The following KCNK12 variants were observed in gnomAD, a reference collection of about 807,000 sequenced individuals.
The protein encoded by KCNK12 is potassium channel subfamily K member 12.
A neutral mutation model predicts 25.3 loss-of-function variants in KCNK12; 6 were observed. The observed-to-expected ratio is 0.24, with a 90% CI of 0.13 to 0.47. The LOEUF is 0.47. KCNK12 is among the 20% of genes least tolerant of loss of function. KCNK12 has a pLI of 0.99. For synonymous variants in KCNK12, 331 were observed against 311.1 expected (o/e 1.06, Z -0.67); for missense variants, 444 against 661.7 (o/e 0.67, Z 3.61).
At chr2:47,522,195 T>A (rs1212693369) in intron 1 of KCNK12, among the ~76,000 whole-genome samples, 1 of 152,138 alleles carries the variant, frequency 6.6e-6, no homozygotes, top group Non-Finnish European at 1.5e-5. Context: ...TCCTCCAAAT[T>A]TTTTTTTAAA....
intron 1 of KCNK12, among the ~76,000 whole-genome samples, chr2:47,546,855 C>T (rs577877040): frequency 4.1e-5 from 6 of 146,044 alleles, no homozygotes; most frequent in Non-Finnish European, 7.6e-5. Flanking sequence ...AGATGGACAG[C>T]TTGAGAGAGC....
intron 1 of KCNK12, chr2:47,564,993 C>A (rs540984174): frequency 6.6e-6 from 1 of 151,368 alleles, no homozygotes; most frequent in Non-Finnish European, 1.5e-5. Flanking sequence ...TGTAGCGAGG[C>A]CCTGTCTCTT....
rs1390511704 is a variant in KCNK12 at position 47,511,831 on chromosome 2, C to G, written c.*9076G>C. ...GTGACAGAAATGTTCTATATCTGTG[C>G]TATCCAATATGGTAGCCACAAGTTA... On this transcript the variant is annotated 3_prime_UTR_variant, in exon 2 of 2. Coordinates refer to ENST00000327876, the MANE Select transcript of KCNK12 (RefSeq NM_022055.2). The surrounding 1 kb of genome is among the most constrained non-coding windows in gnomAD (Gnocchi z 4.3). 6.6e-6 allele frequency among the ~76,000 whole-genome samples: 1 copy of G among 152,220 alleles called. No homozygotes were observed. Among genetic ancestry groups the G allele is most frequent in the East Asian group, 1.9e-4 (1 of 5,204 alleles).
chr2:47,534,748 G>C (rs1669023777), intron 1 of KCNK12: 1 of 176,916 alleles, frequency 5.7e-6, no homozygotes, highest in Non-Finnish European at 1.2e-5. Context: ...AACAGCTCCA[G>C]GGTCATACCA....
In KCNK12 at chr2:47,509,532, G is replaced by A. The variant is rs1254779582; in HGVS notation, c.*11375C>T. Reference sequence around the variant, plus strand: ...GGCCTGCTGTGTGCAGATGGTACCTGGTGCAGGATTGTGGTGTCCAGGTGT... The same window carrying A: ...GGCCTGCTGTGTGCAGATGGTACCTAGTGCAGGATTGTGGTGTCCAGGTGT... On this transcript the variant is annotated 3_prime_UTR_variant, in exon 2 of 2. Coordinates refer to ENST00000327876, the MANE Select transcript of KCNK12 (RefSeq NM_022055.2). 6.6e-6 allele frequency among the ~76,000 whole-genome samples: 1 copy of A among 152,218 alleles called. No individual in the cohort carries two copies. Among genetic ancestry groups the A allele is most frequent in the African/African-American group, 2.4e-5 (1 of 41,444 alleles).
Position 47,515,052 on chromosome 2 carries a change from G to A in KCNK12, c.*5855C>T, listed in dbSNP as rs1417710321. On this transcript the variant is annotated 3_prime_UTR_variant, in exon 2 of 2. Transcript: ENST00000327876. ...ATAGGAATCACAGGCCTTAGAACTT[G>A]AAAGGAACCCAAGGATCATCTAGGC... is the stretch of plus-strand genomic sequence containing the variant. Among the ~76,000 whole-genome samples, 2 of 152,218 alleles carry A rather than the reference G, an allele frequency of 1.3e-5. No homozygotes were observed. The highest frequency in any genetic ancestry group is 2.9e-5 in the Non-Finnish European group (2 of 68,048).
chr2:47,562,406 GC>G lies in KCNK12; in HGVS notation c.391+7534del. ...AAGCAGATGGAGGAGAAACCCCAGG[GC>G]TCAATTTTTCTAAGGGCCCAGGCAC... On this transcript the variant is annotated intron_variant, in intron 1 of 1. Coordinates refer to ENST00000327876, the MANE Select transcript of KCNK12 (RefSeq NM_022055.2). The surrounding 1 kb of genome is among the most constrained non-coding windows in gnomAD (Gnocchi z 4.8). 1 of 315,510 alleles carries G rather than the reference GC, an allele frequency of 3.2e-6. No homozygotes were observed. The highest frequency in any genetic ancestry group is 5.0e-5 in the Admixed American group (1 of 20,038). The allele number at this position is 315,510 out of a possible 1,614,324, so 19.5% of individuals were successfully genotyped here.
At chr2:47,534,517 C>CG (rs1314671163) in intron 1 of KCNK12, among the ~76,000 whole-genome samples, 32 of 99,668 alleles carry the variant, frequency 3.2e-4, no homozygotes, top group Admixed American at 6.3e-4. Flanking sequence ...CCCTTCTAAC[C>CG]CCCCCCCCCG....
At chr2:47,530,645 C>T (rs1022994102) in intron 1 of KCNK12, among the ~76,000 whole-genome samples, 1 of 152,204 alleles carries the variant, frequency 6.6e-6, no homozygotes. Context: ...TTCACTGATT[C>T]CAAGTCACAG....
chr2:47,546,908 G>A (rs1669326112), intron 1 of KCNK12, among the ~76,000 whole-genome samples: 1 of 143,158 alleles, frequency 7.0e-6, no homozygotes, highest in Non-Finnish European at 1.5e-5. Context: ...AGCTCAGAGG[G>A]AGTACAGCTG....
At chr2:47,524,366 A>G (rs977394253) in intron 1 of KCNK12, among the ~76,000 whole-genome samples, 19 of 152,362 alleles carry the variant, frequency 1.2e-4, no homozygotes, top group African/African-American at 4.6e-4. Context: ...GGAAAACTAT[A>G]CAGCAATTAA....
At chr2:47,542,191 C>G (rs979897476) in intron 1 of KCNK12, among the ~76,000 whole-genome samples, 58 of 152,222 alleles carry the variant, frequency 3.8e-4, no homozygotes, top group African/African-American at 1.4e-3. Flanking sequence ...CATCATACCA[C>G]TTCTGTCGAG....
At chr2:47,549,221 G>A (rs1669373695) in intron 1 of KCNK12, among the ~76,000 whole-genome samples, 1 of 152,130 alleles carries the variant, frequency 6.6e-6, no homozygotes, top group South Asian at 2.1e-4. Context: ...CCCCAAAAAG[G>A]TTATTCTTTA....
Position 47,538,317 on chromosome 2 carries a change from C to A in KCNK12, c.392-16509G>T, listed in dbSNP as rs531377805. On this transcript the variant is annotated intron_variant, in intron 1 of 1. Coordinates refer to ENST00000327876, the MANE Select transcript of KCNK12 (RefSeq NM_022055.2). This position sits in a 1 kb window ranked among gnomAD's most constrained non-coding sequence, Gnocchi z 4.5. ...GCAGGCTAAGAGGGTGAGGAGTGTG[C>A]GGGCAGGGAGGAGGCAGGTCATGGT... Among the ~76,000 whole-genome samples, 1 of 151,982 alleles carries A rather than the reference C, an allele frequency of 6.6e-6. No individual in the cohort carries two copies. Among genetic ancestry groups the A allele is most frequent in the African/African-American group, 2.4e-5 (1 of 41,386 alleles).
In KCNK12 at chr2:47,569,628, G is replaced by A. The variant is rs1216134948; in HGVS notation, c.391+313C>T. Among the ~76,000 whole-genome samples, 1 of 152,126 alleles carries A rather than the reference G, an allele frequency of 6.6e-6. No homozygotes were observed. The highest frequency in any genetic ancestry group is 1.5e-5 in the Non-Finnish European group (1 of 68,022). On this transcript the variant is annotated intron_variant, in intron 1 of 1. Transcript: ENST00000327876. The surrounding 1 kb of genome is among the most constrained non-coding windows in gnomAD (Gnocchi z 4.1). Reference sequence around the variant, plus strand: ...TGTGGGTGGAAAACAGGAAGGAACCGGTAGCCCTTGGCACGTATTCTTAGA... The same window carrying A: ...TGTGGGTGGAAAACAGGAAGGAACCAGTAGCCCTTGGCACGTATTCTTAGA...
rs189593635 is a variant in KCNK12, at chr2:47,533,274, G to A, written c.392-11466C>T. On this transcript the variant is annotated intron_variant, in intron 1 of 1. Transcript: ENST00000327876. This position sits in a 1 kb window ranked among gnomAD's most constrained non-coding sequence, Gnocchi z 4.7. ...GATCTGCCCACCTTGGCCTCCCAAA[G>A]TGCTGGGATTACATGAGTGCGCCAC... Among the ~76,000 whole-genome samples, 189 of 152,252 alleles carry A rather than the reference G, an allele frequency of 1.2e-3. No individual in the cohort carries two copies. The highest frequency in any genetic ancestry group is 2.3e-3 in the Non-Finnish European group (159 of 68,010).
rs375288745 is a variant in KCNK12 at position 47,569,924 on chromosome 2, G to C, written c.391+17C>G. 1 of 1,363,472 alleles carries C rather than the reference G, an allele frequency of 7.3e-7. No individual in the cohort carries two copies. The highest frequency in any genetic ancestry group is 9.5e-7 in the Non-Finnish European group (1 of 1,052,186). 84.5% of individuals were successfully genotyped at this position (1,363,472 alleles called of 1,614,324 possible). ...AAGGCACAGAGAGGAAAGATGCGCG[G>C]GGGACGCGCCGCTCACCTATGGTTG... On this transcript the variant is annotated intron_variant, in intron 1 of 1. Transcript: ENST00000327876. This position sits in a 1 kb window ranked among gnomAD's most constrained non-coding sequence, Gnocchi z 4.1.
At chr2:47,554,356 A>C (rs1669506964) in intron 1 of KCNK12, among the ~76,000 whole-genome samples, 1 of 152,218 alleles carries the variant, frequency 6.6e-6, no homozygotes, top group Admixed American at 6.5e-5. Flanking sequence ...GACAGTGACT[A>C]GGGGTTAGTG....
chr2:47,553,687 C>A (rs1318708585), intron 1 of KCNK12, among the ~76,000 whole-genome samples: 1 of 152,226 alleles, frequency 6.6e-6, no homozygotes, highest in Admixed American at 6.5e-5. Context: ...CACCCCTGTT[C>A]AAGAACTCCA....
Sources: gnomAD v4.1 joint callset for allele counts (sites outside exome capture counted in the v4.1 genomes callset) on GRCh38, gnomAD v4.1.1 for gene constraint, Gnocchi (gnomAD v3.1) non-coding constraint, MANE v1.5 for transcripts, NCBI Gene and HGNC (gene_info 2026-07-23, HGNC 2026-07-21) for gene names.